The following ASIC2 variants were observed in gnomAD, a reference collection of about 807,000 sequenced individuals.
The protein encoded by ASIC2 is acid sensing ion channel subunit 2, also known as acid-sensing ion channel 2.
In ASIC2, 25 loss-of-function variants were observed where a neutral mutation model predicts 57.3. The ratio of observed to expected loss-of-function variants is 0.44; its 90% CI spans 0.32 to 0.61. ASIC2 has a LOEUF of 0.61. Among genes scored for constraint, ASIC2 ranks in the 20% least tolerant of loss-of-function variants. The pLI is 0.06. For synonymous variants in ASIC2, 319 were observed against 307.5 expected, an observed-to-expected ratio of 1.04 and a Z score of -0.39; for missense variants, 641 against 738.1, an observed-to-expected ratio of 0.87 and a Z score of 1.52.
At chr17:33,906,856 G>A (rs1340847976) in intron 1 of ASIC2, among the ~76,000 whole-genome samples, 2 of 152,172 alleles carry the variant, frequency 1.3e-5, no homozygotes, top group African/African-American at 2.4e-5. Context: ...TGGATAGACT[G>A]ACTTCTCTGG....
At chr17:34,085,332 G>T (rs1255562964) in intron 1 of ASIC2, among the ~76,000 whole-genome samples, 2 of 152,144 alleles carry the variant, frequency 1.3e-5, no homozygotes, top group African/African-American at 4.8e-5. Flanking sequence ...TTATATGCTG[G>T]ATTACATTTA....
At chr17:33,860,700 T>C (rs950289109) in intron 1 of ASIC2, among the ~76,000 whole-genome samples, 1 of 152,212 alleles carries the variant, frequency 6.6e-6, no homozygotes, top group African/African-American at 2.4e-5. Flanking sequence ...TTTAGTTTTG[T>C]TTCCATAGCA....
At chr17:34,100,562 C>T (rs976858240) in intron 1 of ASIC2, among the ~76,000 whole-genome samples, 3 of 151,934 alleles carry the variant, frequency 2.0e-5, no homozygotes, top group African/African-American at 7.3e-5. Flanking sequence ...TCCGGCCCTC[C>T]AGGATGGCTG....
chr17:33,812,450 T>C (rs73986743), intron 1 of ASIC2, among the ~76,000 whole-genome samples: 20,055 of 152,078 alleles, frequency 0.13, 1,401 homozygotes, highest in East Asian at 0.19. Context: ...AGCAAGACAA[T>C]AAGATGCTGG....
At chr17:33,882,318 C>G (rs1914720372) in intron 1 of ASIC2, among the ~76,000 whole-genome samples, 1 of 152,156 alleles carries the variant, frequency 6.6e-6, no homozygotes, top group South Asian at 2.1e-4. Context: ...TCAGAGTGAG[C>G]AGGCAGCCTA....
rs144830254 is a variant in ASIC2 at position 33,805,351 on chromosome 17, G to A, written c.555+350627C>T. ...GAAAATATCCCAGGTGAAACCCAAA[G>A]AAGGGGGAGTTTGGTCAATGGTTTC... On this transcript the variant is annotated intron_variant, in intron 1 of 9. Coordinates refer to the ASIC2 transcript ENST00000359872. Among the ~76,000 whole-genome samples the A allele has an allele frequency of 3.8e-3, 584 of 152,280 alleles. 3 individuals are homozygous for A. The highest frequency in any genetic ancestry group is 6.4e-3 in the Non-Finnish European group (435 of 68,030).
intron 1 of ASIC2, among the ~76,000 whole-genome samples, chr17:33,853,551 AAGTGTCATCAAGATCCTGTAAG>A (rs1166408144): frequency 6.6e-6 from 1 of 152,162 alleles, no homozygotes; most frequent in Admixed American, 6.5e-5. Context: ...GACGATCTCT[AAGTGTCATCAAGATCCTGTAAG>A]AGTCATGGGT....
chr17:33,037,922 G>A (rs1035492056), intron 3 of ASIC2, among the ~76,000 whole-genome samples: 2 of 152,214 alleles, frequency 1.3e-5, no homozygotes, highest in Non-Finnish European at 2.9e-5. Context: ...TGGCTGGGAT[G>A]GGAAGAGAGA....
chr17:33,053,417 G>C (rs1421612425), intron 3 of ASIC2, among the ~76,000 whole-genome samples: 1 of 152,172 alleles, frequency 6.6e-6, no homozygotes. Context: ...GAAGAACACA[G>C]TCTCTTTTAA....
intron 1 of ASIC2, among the ~76,000 whole-genome samples, chr17:33,222,940 A>C (rs534784453): frequency 1.3e-5 from 2 of 152,144 alleles, no homozygotes; most frequent in African/African-American, 2.4e-5. Flanking sequence ...AACAATTCTA[A>C]CCAGAAGCCC....
intron 1 of ASIC2, among the ~76,000 whole-genome samples, chr17:33,212,209 C>T (rs1225970437): frequency 2.6e-5 from 4 of 152,096 alleles, no homozygotes; most frequent in Non-Finnish European, 4.4e-5. Flanking sequence ...GCAAAAGGAA[C>T]CTGGGAAATG....
At chr17:34,057,755 G>A (rs994548987) in intron 1 of ASIC2, among the ~76,000 whole-genome samples, 1 of 152,150 alleles carries the variant, frequency 6.6e-6, no homozygotes, top group African/African-American at 2.4e-5. Context: ...GAAGAAGGTA[G>A]AAGTTCAGAC....
At chr17:34,092,978 T>G (rs759563849) in intron 1 of ASIC2, among the ~76,000 whole-genome samples, 1 of 152,222 alleles carries the variant, frequency 6.6e-6, no homozygotes, top group Non-Finnish European at 1.5e-5. Context: ...TGAAGCTTGA[T>G]TTTTTCCCCT....
chr17:33,509,450 C>CA (rs1371224491), intron 1 of ASIC2, among the ~76,000 whole-genome samples: 2 of 152,170 alleles, frequency 1.3e-5, no homozygotes, highest in African/African-American at 2.4e-5. Context: ...GCCGCAATCC[C>CA]AAGTCTGGTT....
At chr17:33,396,426 G>A (rs1226104657) in intron 1 of ASIC2, among the ~76,000 whole-genome samples, 1 of 152,164 alleles carries the variant, frequency 6.6e-6, no homozygotes, top group African/African-American at 2.4e-5. Flanking sequence ...ACCTTTATAA[G>A]AACGCATGAA....
intron 1 of ASIC2, among the ~76,000 whole-genome samples, chr17:33,755,709 C>T (rs1910583827): frequency 6.6e-6 from 1 of 152,140 alleles, no homozygotes; most frequent in African/African-American, 2.4e-5. Flanking sequence ...GGGAGGCAGT[C>T]ATGTAATGAA....
chr17:34,073,192 T>C (rs1002246258), intron 1 of ASIC2, among the ~76,000 whole-genome samples: 1 of 152,200 alleles, frequency 6.6e-6, no homozygotes. Flanking sequence ...ATAGTCTCTG[T>C]TGCAAGTATT....
chr17:33,034,533 A>G (rs966138799), intron 3 of ASIC2, among the ~76,000 whole-genome samples: 8 of 152,084 alleles, frequency 5.3e-5, no homozygotes, highest in Admixed American at 4.6e-4. Flanking sequence ...CCCAAAACCA[A>G]CTTAAAAAAC....
chr17:33,670,211 G>A (rs1907600978), intron 1 of ASIC2, among the ~76,000 whole-genome samples: 1 of 152,116 alleles, frequency 6.6e-6, no homozygotes, highest in Non-Finnish European at 1.5e-5. Flanking sequence ...CAAATGTTCT[G>A]TACTGCATAG....
Sources: allele counts gnomAD v4.1 joint callset (sites outside exome capture counted in the v4.1 genomes callset), GRCh38; gene constraint gnomAD v4.1.1; transcripts MANE v1.5; gene names NCBI Gene and HGNC (gene_info 2026-07-23, HGNC 2026-07-21).